The following CD86 variants were observed in gnomAD, a reference collection of about 807,000 sequenced individuals.
The protein encoded by CD86 is T-lymphocyte activation antigen CD86.
Under a neutral mutation model 32.1 loss-of-function variants are expected in CD86, and 11 were observed. The observed-to-expected ratio is 0.34, with a 90% CI of 0.22 to 0.57. The LOEUF (loss-of-function observed/expected upper bound fraction) is 0.57. Ranked by LOEUF, CD86 falls within the 20% of genes least tolerant of loss-of-function variation. The pLI is 0.86. For synonymous variants in CD86, 137 were observed against 135.3 expected, an observed-to-expected ratio of 1.01 and a Z score of -0.09; for missense variants, 359 against 398.4, an observed-to-expected ratio of 0.90 and a Z score of 0.84.
chr3:122,058,864 C>A (rs2072281923), intron 1 of CD86, among the ~76,000 whole-genome samples: 1 of 151,938 alleles, frequency 6.6e-6, no homozygotes. Context: ...GGCATGAAAC[C>A]AGGGCAGTTA....
intron 1 of CD86, among the ~76,000 whole-genome samples, chr3:122,082,854 T>C (rs991011754): frequency 1.3e-5 from 2 of 152,252 alleles, no homozygotes; most frequent in East Asian, 3.8e-4. Context: ...TTTCTGTTGC[T>C]TTTATTAGTA....
chr3:122,114,548 T>C (rs2073222216), intron 5 of CD86, among the ~76,000 whole-genome samples: 1 of 152,182 alleles, frequency 6.6e-6, no homozygotes, highest in Admixed American at 6.5e-5. Flanking sequence ...GGAGCCCTGA[T>C]ACTGAACTAG....
intron 1 of CD86, among the ~76,000 whole-genome samples, chr3:122,057,222 C>G (rs2072251001): frequency 6.6e-6 from 1 of 152,104 alleles, no homozygotes; most frequent in South Asian, 2.1e-4. Flanking sequence ...AATGTATATG[C>G]CCTTTAACCA....
chr3:122,065,077 C>A (rs1318212592), intron 1 of CD86, among the ~76,000 whole-genome samples: 1 of 151,986 alleles, frequency 6.6e-6, no homozygotes, highest in Admixed American at 6.6e-5. Flanking sequence ...TAGTATTATC[C>A]CTGATTTTCC....
At chr3:122,088,900 CA>C (rs369893860) in intron 1 of CD86, among the ~76,000 whole-genome samples, 32 of 152,224 alleles carry the variant, frequency 2.1e-4, no homozygotes, top group African/African-American at 7.7e-4. Flanking sequence ...CAGCATTATG[CA>C]CAATAGCCAA....
chr3:122,059,535 C>CA (rs35060876), intron 1 of CD86, among the ~76,000 whole-genome samples: 8,647 of 67,498 alleles, frequency 0.13, 308 homozygotes, highest in Non-Finnish European at 0.17. Context: ...GACTCCGTCT[C>CA]AAAAAAAAAA....
chr3:122,081,096 GTTAAA>G (rs1488408157), intron 1 of CD86, among the ~76,000 whole-genome samples: 1 of 152,066 alleles, frequency 6.6e-6, no homozygotes, highest in Non-Finnish European at 1.5e-5. Context: ...CCAATTTTCT[GTTAAA>G]TTAAATATGA....
chr3:122,057,024 C>CA (rs1172799548), intron 1 of CD86, among the ~76,000 whole-genome samples: 1 of 151,354 alleles, frequency 6.6e-6, no homozygotes, highest in African/African-American at 2.5e-5. Context: ...GAAATAAATA[C>CA]AAATTAAAAC....
chr3:122,058,324 G>A (rs1003618323), intron 1 of CD86, among the ~76,000 whole-genome samples: 3 of 152,136 alleles, frequency 2.0e-5, no homozygotes, highest in Non-Finnish European at 2.9e-5. Flanking sequence ...CAGTACCCAG[G>A]ACAAGGCCAG....
At chr3:122,106,533 C>G (rs781528904) in intron 4 of CD86, 33 bp downstream of exon 4, 47 of 1,543,820 alleles carry the variant, frequency 3.0e-5, no homozygotes, top group South Asian at 1.2e-5. Flanking sequence ...TTTCTTTCAG[C>G]AGGTATTATA....
chr3:122,117,384 A>G (rs1373527047), intron 5 of CD86, among the ~76,000 whole-genome samples: 2 of 152,240 alleles, frequency 1.3e-5, no homozygotes, highest in Admixed American at 6.5e-5. Flanking sequence ...TCACAAAACC[A>G]TCAGAGGTAT....
chr3:122,117,819 A>G (rs1482008215), intron 5 of CD86, among the ~76,000 whole-genome samples: 1 of 152,240 alleles, frequency 6.6e-6, no homozygotes, highest in Admixed American at 6.5e-5. Flanking sequence ...ATCTATTTCC[A>G]GTGTTAGAAT....
chr3:122,113,880 A>G (rs115571676), intron 5 of CD86, among the ~76,000 whole-genome samples: 2,472 of 152,284 alleles, frequency 0.016, 28 homozygotes, highest in Middle Eastern at 0.041. Context: ...GCTTGATGGT[A>G]TGACTCTGAA....
At chr3:122,071,625 A>G (rs987579998) in intron 1 of CD86, among the ~76,000 whole-genome samples, 1 of 152,200 alleles carries the variant, frequency 6.6e-6, no homozygotes, top group Non-Finnish European at 1.5e-5. Context: ...AAATATACCT[A>G]GAAGTGTGAC....
rs1368717735 is a variant in CD86 at position 122,075,862 on chromosome 3, C to A, written c.15-15739C>A. ...TATGGAAGGGAAAACAATAAAACAA[C>A]TTGTTTTTTAAGAGCCTACTATTGC... is the stretch of plus-strand genomic sequence containing the variant. On this transcript the variant is annotated intron_variant, in intron 1 of 6. Coordinates refer to ENST00000330540, the MANE Select transcript of CD86 (RefSeq NM_175862.5). 2.0e-5 allele frequency among the ~76,000 whole-genome samples: 3 copies of A among 152,112 alleles called. No individual in the cohort carries two copies. In the South Asian group the frequency reaches 6.2e-4, roughly 32 times the overall value.
At chr3:122,070,200 A>G (rs1209834831) in intron 1 of CD86, among the ~76,000 whole-genome samples, 1 of 152,216 alleles carries the variant, frequency 6.6e-6, no homozygotes, top group East Asian at 1.9e-4. Flanking sequence ...GCTTGAAGAC[A>G]TCTAGACAAA....
intron 1 of CD86, among the ~76,000 whole-genome samples, chr3:122,060,518 C>T (rs1013315572): frequency 2.0e-5 from 3 of 152,088 alleles, no homozygotes; most frequent in Non-Finnish European, 2.9e-5. Context: ...GTCAATGGCT[C>T]ATGCCTGTAA....
intron 1 of CD86, among the ~76,000 whole-genome samples, chr3:122,065,315 G>C (rs1320647895): frequency 6.6e-6 from 1 of 152,154 alleles, no homozygotes; most frequent in Non-Finnish European, 1.5e-5. Context: ...GCAACCATAC[G>C]ATAAAGGTAA....
intron 3 of CD86, among the ~76,000 whole-genome samples, 174 bp downstream of exon 3, chr3:122,104,021 G>T (rs1271258203): frequency 6.6e-6 from 1 of 152,128 alleles, no homozygotes; most frequent in Non-Finnish European, 1.5e-5. Flanking sequence ...TGTAGAGTCT[G>T]GGAGTAGGGA....
Sources: allele counts gnomAD v4.1 joint callset (sites outside exome capture counted in the v4.1 genomes callset), GRCh38; gene constraint gnomAD v4.1.1; transcripts MANE v1.5; gene names NCBI Gene and HGNC (gene_info 2026-07-23, HGNC 2026-07-21).